The following KIAA2012 variants were observed in gnomAD, a reference collection of about 807,000 sequenced individuals.
KIAA2012 encodes the protein uncharacterized protein KIAA2012.
Under a neutral mutation model 150.6 loss-of-function variants are expected in KIAA2012, and 125 were observed. The observed-to-expected ratio is 0.83, with a 90% confidence interval of 0.72 to 0.96. KIAA2012 has a LOEUF of 0.96. Among genes scored for constraint, KIAA2012 ranks in the 40% least tolerant of loss-of-function variants. KIAA2012 has a pLI of 0.00. For synonymous variants in KIAA2012, 462 were observed against 504.7 expected, an observed-to-expected ratio of 0.92 and a Z score of 1.13; for missense variants, 1,219 against 1,354.9, an observed-to-expected ratio of 0.90 and a Z score of 1.57.
intron 17 of KIAA2012, among the ~76,000 whole-genome samples, chr2:202,187,631 C>G (rs1333266288): frequency 6.6e-6 from 1 of 152,156 alleles, no homozygotes; most frequent in Non-Finnish European, 1.5e-5. Context: ...TACAAAGGTA[C>G]TGAGTGGGTA....
chr2:202,187,872 G>A (rs1692260917), intron 17 of KIAA2012, among the ~76,000 whole-genome samples: 2 of 152,174 alleles, frequency 1.3e-5, no homozygotes, highest in Non-Finnish European at 2.9e-5. Context: ...CCAGCTCTGT[G>A]AATCATGATT....
intron 15 of KIAA2012, 135 bp from the exon 16 acceptor site, chr2:202,184,618 T>C: frequency 2.0e-6 from 1 of 492,040 alleles, no homozygotes. Context: ...TTTGCTAATT[T>C]TCTGGGTATA....
intron 22 of KIAA2012, chr2:202,201,863 T>G: frequency 8.0e-7 from 1 of 1,253,154 alleles, no homozygotes. Context: ...TTGGCTGTGT[T>G]GGATATTGAC....
intron 5 of KIAA2012, among the ~76,000 whole-genome samples, chr2:202,098,223 G>T (rs1829686): frequency 0.52 from 79,704 of 151,956 alleles, 21,177 homozygotes; most frequent in African/African-American, 0.59. Context: ...AGCTGGGCAT[G>T]ATGGTGGGCA....
chr2:202,093,234 G>C, intron 4 of KIAA2012, 49 bp downstream of exon 4: 1 of 1,529,424 alleles, frequency 6.5e-7, no homozygotes, highest in African/African-American at 1.4e-5. Context: ...TCAGATATTT[G>C]AATTGTTAAC....
chr2:202,162,712 C>A (rs1475038474), intron 14 of KIAA2012, among the ~76,000 whole-genome samples: 3 of 151,240 alleles, frequency 2.0e-5, no homozygotes, highest in Non-Finnish European at 4.4e-5. Context: ...GCGGGTGGAT[C>A]ACCGGTCAAG....
In KIAA2012 at chr2:202,187,053, T is replaced by C; in HGVS notation, c.2331T>C (p.Ala777=). The C allele has an allele frequency of 6.4e-7, 1 of 1,550,632 alleles. No individual in the cohort carries two copies. Among genetic ancestry groups the C allele is most frequent in the Non-Finnish European group, 8.7e-7 (1 of 1,147,004 alleles). The change falls in exon 17 of 24, where the codon GCT becomes GCC. Residue 777 remains alanine, a synonymous_variant. Transcript: ENST00000498697. ...SLLPREREGK[A]EPRLFSQETS... Reference sequence around the variant, plus strand: ...TTCCAAGAGAAAGAGAAGGGAAGGCTGAACCAAGACTGTTTAGCCAGGAGA... The same window carrying C: ...TTCCAAGAGAAAGAGAAGGGAAGGCCGAACCAAGACTGTTTAGCCAGGAGA...
chr2:202,117,043 A>T (rs1436617332), intron 11 of KIAA2012: 2 of 152,230 alleles, frequency 1.3e-5, no homozygotes, highest in African/African-American at 4.8e-5. Context: ...CTCCAGCCCC[A>T]GTCAAGTCTT....
chr2:202,105,713 A>G, intron 8 of KIAA2012, 48 bp from the exon 9 acceptor site: 10 of 1,533,258 alleles, frequency 6.5e-6, no homozygotes, highest in African/African-American at 1.4e-5. Context: ...GACATTAGGC[A>G]AAAACAACAG....
intron 8 of KIAA2012, among the ~76,000 whole-genome samples, chr2:202,105,266 A>G (rs1263674445): frequency 7.0e-6 from 1 of 143,114 alleles, no homozygotes; most frequent in Non-Finnish European, 1.5e-5. Flanking sequence ...AGAGGAAAGG[A>G]AGGAGGGAAG....
chr2:202,090,969 C>G (rs1689705155), intron 3 of KIAA2012, 40 bp downstream of exon 3: 1 of 1,511,660 alleles, frequency 6.6e-7, no homozygotes, highest in Non-Finnish European at 8.9e-7. Context: ...CCCAAACTGC[C>G]CCACCTCCCA....
intron 12 of KIAA2012, among the ~76,000 whole-genome samples, chr2:202,134,633 C>T (rs1290685481): frequency 6.6e-6 from 1 of 152,248 alleles, no homozygotes; most frequent in Non-Finnish European, 1.5e-5. Flanking sequence ...TAGCTCACTG[C>T]AACCTCCGCC....
At chr2:202,183,785 C>T (rs576301861) in intron 15 of KIAA2012, among the ~76,000 whole-genome samples, 13 of 152,182 alleles carry the variant, frequency 8.5e-5, no homozygotes, top group African/African-American at 2.9e-4. Flanking sequence ...AGATTACAGG[C>T]GTGAGCCTAA....
chr2:202,158,184 C>T (rs964437035), intron 14 of KIAA2012, among the ~76,000 whole-genome samples: 5 of 152,044 alleles, frequency 3.3e-5, no homozygotes, highest in East Asian at 3.9e-4. Context: ...TTAGTAGAGA[C>T]GGGGTTTCAC....
chr2:202,117,757 C>A (rs998420502), intron 11 of KIAA2012, among the ~76,000 whole-genome samples: 4 of 152,214 alleles, frequency 2.6e-5, no homozygotes, highest in Non-Finnish European at 5.9e-5. Context: ...GGGCCAGATA[C>A]ATTTGGAAAC....
rs1186254007 is a variant in KIAA2012, at chr2:202,077,181, C to G, written c.369+2006C>G. 88 of 382,350 alleles carry G rather than the reference C, an allele frequency of 2.3e-4. 1 individual carries two copies. The highest frequency in any genetic ancestry group is 5.2e-6 in the Non-Finnish European group (1 of 192,290). The allele number at this position is 382,350 out of a possible 1,614,324, so 23.7% of individuals were successfully genotyped here. ...TGATGTTACTGATCTCAATGTTGCCCCCCCAGCTGTTTGGCTTCTGAGGTC... is the reference window on the plus strand; with the variant it reads ...TGATGTTACTGATCTCAATGTTGCCGCCCCAGCTGTTTGGCTTCTGAGGTC... On this transcript the variant is annotated intron_variant, in intron 2 of 23. Coordinates refer to ENST00000498697, the MANE Select transcript of KIAA2012 (RefSeq NM_001277372.4).
intron 14 of KIAA2012, among the ~76,000 whole-genome samples, chr2:202,160,348 C>G (rs1445228221): frequency 7.2e-6 from 1 of 138,622 alleles, no homozygotes; most frequent in Non-Finnish European, 1.5e-5. Flanking sequence ...GAGTCTCGCT[C>G]TGTCACCCAG....
intron 2 of KIAA2012, among the ~76,000 whole-genome samples, chr2:202,087,743 A>G (rs1391340320): frequency 1.3e-5 from 2 of 152,092 alleles, no homozygotes; most frequent in Non-Finnish European, 2.9e-5. Flanking sequence ...ATACTTTCAG[A>G]GGTCACATCT....
intron 12 of KIAA2012, among the ~76,000 whole-genome samples, chr2:202,133,002 G>A (rs1159118952): frequency 7.0e-6 from 1 of 141,988 alleles, no homozygotes; most frequent in Non-Finnish European, 1.5e-5. Context: ...CTACTCAGGA[G>A]GCTGAGGTGG....
Sources: gnomAD v4.1 joint callset for allele counts (sites outside exome capture counted in the v4.1 genomes callset) on GRCh38, gnomAD v4.1.1 for gene constraint, MANE v1.5 for transcripts, NCBI Gene and HGNC (gene_info 2026-07-23, HGNC 2026-07-21) for gene names.